The following TNK2 variants were observed in gnomAD, a reference collection of about 807,000 sequenced individuals.
TNK2 encodes the protein activated CDC42 kinase 1.
TNK2 carries 83 observed loss-of-function variants against 101.8 expected under a neutral mutation model. That is an observed-to-expected ratio of 0.82 (90% CI 0.68 to 0.98). The LOEUF (loss-of-function observed/expected upper bound fraction) is 0.98. Ranked by LOEUF, TNK2 falls within the 50% of genes least tolerant of loss-of-function variation. The probability of loss-of-function intolerance (pLI) is 0.00; values close to 1 mark genes in which losing one functional copy is unlikely to be tolerated. For missense variants in TNK2, 1,665 were observed against 1,483.2 expected (o/e 1.12, Z -2.01); for synonymous variants, 804 against 633.0 (o/e 1.27, Z -4.06).
In TNK2 at chr3:195,882,600, G is replaced by A; in HGVS notation, c.610-272C>T. On this transcript the variant is annotated intron_variant, in intron 5 of 15. Coordinates refer to ENST00000672887, the MANE Select transcript of TNK2 (RefSeq NM_001382273.1). This position sits in a 1 kb window ranked among gnomAD's most constrained non-coding sequence, Gnocchi z 4.2. ...CAGCTGGACGTGGTGGCTCACGCCT[G>A]TAATCCCAGCACTTTGGGAGGCCGA... 8 of 1,367,412 alleles carry A rather than the reference G, an allele frequency of 5.9e-6. No homozygotes were observed. Among genetic ancestry groups the A allele is most frequent in the Non-Finnish European group, 7.9e-6 (8 of 1,016,226 alleles). 84.7% of individuals were successfully genotyped at this position (1,367,412 alleles called of 1,614,324 possible).
Position 195,886,948 on chromosome 3 carries a change from C to G in TNK2, c.234+29G>C. ...GGGGGGCGTTCGAGGCTGCCCCCCT[C>G]CCACCTCCTCACCCACCTCCTCACC... On this transcript the variant is annotated intron_variant, in intron 3 of 15. Coordinates refer to ENST00000672887, the MANE Select transcript of TNK2 (RefSeq NM_001382273.1). The surrounding 1 kb of genome is among the most constrained non-coding windows in gnomAD (Gnocchi z 4.2). 1 of 1,549,332 alleles carries G rather than the reference C, an allele frequency of 6.5e-7. No homozygotes were observed. The highest frequency in any genetic ancestry group is 8.9e-7 in the Non-Finnish European group (1 of 1,124,780).
rs71321859 is a variant in TNK2 at position 195,875,691 on chromosome 3, C to T, written c.1256+2562G>A. On this transcript the variant is annotated intron_variant, in intron 9 of 15. Coordinates refer to ENST00000672887, the MANE Select transcript of TNK2 (RefSeq NM_001382273.1). Reference sequence around the variant, plus strand: ...CCCGCCATGAACAGGCCGGAGTCCCCGTGGCCATGGGAGGGCCAGGGCTGC... The same window carrying T: ...CCCGCCATGAACAGGCCGGAGTCCCTGTGGCCATGGGAGGGCCAGGGCTGC... Among the ~76,000 whole-genome samples, 501 of 152,284 alleles carry T rather than the reference C, an allele frequency of 3.3e-3. 1 individual carries two copies. Among genetic ancestry groups the T allele is most frequent in the Middle Eastern group, 0.01 (3 of 294 alleles).
At chr3:195,872,077 A>AGAACATTCCCCTCGGG (rs1560489238) in intron 10 of TNK2, among the ~76,000 whole-genome samples, 199 bp downstream of exon 10, 103 of 135,558 alleles carry the variant, frequency 7.6e-4, no homozygotes, top group African/African-American at 2.8e-3. Context: ...ATTCCCCTGG[A>AGAACATTCCCCTCGGG]GAACCCCCAC....
At chr3:195,872,611 C>T (rs1047980436) in intron 9 of TNK2, 141 bp from the exon 10 acceptor site, 1 of 856,150 alleles carries the variant, frequency 1.2e-6, no homozygotes, top group African/African-American at 1.7e-5. Context: ...ACCGGCCCTC[C>T]TCCCCAACAG....
At chr3:195,879,343 G>A (rs1385750586) in intron 6 of TNK2, 168 bp from the exon 7 acceptor site, 9 of 937,452 alleles carry the variant, frequency 9.6e-6, no homozygotes, top group Non-Finnish European at 1.4e-5. Context: ...TTGACGACAC[G>A]ATGCAGGGAC....
intron 12 of TNK2, chr3:195,869,074 G>C: frequency 2.2e-6 from 1 of 460,796 alleles, no homozygotes; most frequent in Non-Finnish European, 3.9e-6. Flanking sequence ...CCCCTGTCAC[G>C]GCACACCATT....
chr3:195,876,553 C>T (rs563114735), intron 9 of TNK2: 2 of 456,804 alleles, frequency 4.4e-6, no homozygotes, highest in African/African-American at 2.0e-5. Context: ...ACCACCGACA[C>T]CCAGGCCCGC....
intron 6 of TNK2, among the ~76,000 whole-genome samples, chr3:195,881,787 G>GT (rs1355205315): frequency 6.8e-6 from 1 of 147,758 alleles, no homozygotes; most frequent in African/African-American, 2.5e-5. Flanking sequence ...ATCTATCCCC[G>GT]TATCACCCCA....
At chr3:195,907,716 G>A (rs2149899397) in intron 1 of TNK2, among the ~76,000 whole-genome samples, 1 of 152,356 alleles carries the variant, frequency 6.6e-6, no homozygotes, top group South Asian at 2.1e-4. Context: ...AGACTGGGCT[G>A]GGAGCTCCTG....
At chr3:195,895,372 G>A (rs199918564) in intron 1 of TNK2, 61 of 1,554,388 alleles carry the variant, frequency 3.9e-5, no homozygotes, top group Non-Finnish European at 4.7e-5. Flanking sequence ...CAGCGGCACC[G>A]GCAGCGTCAC....
In TNK2 at chr3:195,887,127, G is replaced by T. The variant is rs541013073; in HGVS notation, c.164-80C>A. 6 of 1,461,980 alleles carry T rather than the reference G, an allele frequency of 4.1e-6. No individual in the cohort carries two copies. In the Admixed American group the frequency reaches 8.9e-5, roughly 22 times the overall value. 90.6% of individuals were successfully genotyped at this position (1,461,980 alleles called of 1,614,324 possible). ...GCTGCTGCCTGTGGTCCCCTTGGGG[G>T]TGAGCCTGTCACTAGACACCGCCCA... On this transcript the variant is annotated intron_variant, in intron 2 of 15. Transcript: ENST00000672887.
At position 195,878,596 on chromosome 3, in the gene TNK2, A is replaced by G. The variant is rs1750712866; in HGVS notation, c.1015-4T>C. The G allele has an allele frequency of 6.2e-7, 1 of 1,611,678 alleles. No individual in the cohort carries two copies. The highest frequency in any genetic ancestry group is 2.2e-5 in the East Asian group (1 of 44,804). ...CCTTGTCGATCTTATGCAGGATCTGAAGGTGAGGAGGTGCAGAGTTTGACG... is the reference window on the plus strand; with the variant it reads ...CCTTGTCGATCTTATGCAGGATCTGGAGGTGAGGAGGTGCAGAGTTTGACG... On this transcript the variant is annotated splice_polypyrimidine_tract_variant and splice_region_variant and intron_variant, in intron 7 of 15. Coordinates refer to ENST00000672887, the MANE Select transcript of TNK2 (RefSeq NM_001382273.1). The surrounding 1 kb of genome is among the most constrained non-coding windows in gnomAD (Gnocchi z 4.7).
At position 195,864,064 on chromosome 3, in the gene TNK2, G is replaced by T; in HGVS notation, c.*117C>A. 7.0e-7 allele frequency: 1 copy of T among 1,426,148 alleles called. No homozygotes were observed. The highest frequency in any genetic ancestry group is 9.8e-7 in the Non-Finnish European group (1 of 1,022,706). 88.3% of individuals were successfully genotyped at this position (1,426,148 alleles called of 1,614,324 possible). A position where few individuals can be genotyped will look rare whatever the true frequency, so the allele number is the denominator to read the frequency against. ...GCAGCCTTGGCCTTGCTCCATCCCCGGGAGCAGCAGGAGCAGCGGGTCCTC... is the reference window on the plus strand; with the variant it reads ...GCAGCCTTGGCCTTGCTCCATCCCCTGGAGCAGCAGGAGCAGCGGGTCCTC... On this transcript the variant is annotated 3_prime_UTR_variant, in exon 16 of 16. Transcript: ENST00000672887.
intron 9 of TNK2, among the ~76,000 whole-genome samples, chr3:195,875,677 C>T (rs1038829713): frequency 6.6e-6 from 1 of 152,162 alleles, no homozygotes; most frequent in East Asian, 1.9e-4. Context: ...CCGCCATGAA[C>T]AGGCCGGAGT....
chr3:195,884,930 G>A lies in TNK2; in HGVS notation c.338C>T (p.Pro113Leu), dbSNP rs1414952056. The part of the protein sequence containing the change: ...PAPGGPAGEG[P>L]LQSLTCLIGE... ...AATGAGGCAGGTGAGGCTCTGCAGG[G>A]GCCCCTCCCCTGCTGGGCCCCCAGG... The change falls in exon 4 of 16, where the codon CCC becomes CTC. Residue 113 changes from proline to leucine, a missense_variant. By Grantham distance (98) the Pro-to-Leu change is moderately conservative (BLOSUM62 -3). This residue lies in a region of TNK2 where 490 missense variants were observed against 522.5 expected (regional missense o/e 0.94). Transcript: ENST00000672887. 9.9e-6 allele frequency: 16 copies of A among 1,614,000 alleles called. No individual in the cohort carries two copies. The highest frequency in any genetic ancestry group is 1.2e-5 in the Non-Finnish European group (14 of 1,180,020).
At chr3:195,865,829 C>T (rs897354412) in intron 15 of TNK2, among the ~76,000 whole-genome samples, 5 of 152,180 alleles carry the variant, frequency 3.3e-5, no homozygotes, top group African/African-American at 1.2e-4. Context: ...GCCAGGCGTG[C>T]TGGGCGCAAT....
In TNK2 at chr3:195,864,160, C is replaced by T. The variant is rs1738970577; in HGVS notation, c.*21G>A. ...CTCAGGTGATTCCTTCAGGCAGGCC[C>T]TCTGGCTCTCCAGACGCATCTCAGC... is the stretch of plus-strand genomic sequence containing the variant. On this transcript the variant is annotated 3_prime_UTR_variant, in exon 16 of 16. Coordinates refer to ENST00000672887, the MANE Select transcript of TNK2 (RefSeq NM_001382273.1). 4 of 1,613,900 alleles carry T rather than the reference C, an allele frequency of 2.5e-6. No homozygotes were observed. The African/African-American group carries it at 4.0e-5, about 16-fold the overall frequency.
In TNK2 at chr3:195,888,790, A is replaced by G. The variant is rs899904388; in HGVS notation, c.-18-184T>C. Among the ~76,000 whole-genome samples, 1 of 151,992 alleles carries G rather than the reference A, an allele frequency of 6.6e-6. No individual in the cohort carries two copies. Among genetic ancestry groups the G allele is most frequent in the African/African-American group, 2.4e-5 (1 of 41,372 alleles). ...CACGTCCCCTATTCCTGCCAGCCAC[A>G]GGGCACAATTAGGGCGGCGGAGATA... On this transcript the variant is annotated intron_variant, in intron 1 of 15. Coordinates refer to ENST00000672887, the MANE Select transcript of TNK2 (RefSeq NM_001382273.1). The surrounding 1 kb of genome is among the most constrained non-coding windows in gnomAD (Gnocchi z 5.3).
chr3:195,869,365 C>T (rs1283942490), intron 12 of TNK2, 132 bp downstream of exon 12: 17 of 1,017,616 alleles, frequency 1.7e-5, no homozygotes, highest in Admixed American at 1.2e-4. Flanking sequence ...CCAGGGCAGC[C>T]GCGGAAGCTC....
Sources: allele counts gnomAD v4.1 joint callset (sites outside exome capture counted in the v4.1 genomes callset), GRCh38; gene constraint gnomAD v4.1.1; regional missense constraint gnomAD v4.1.1; non-coding constraint Gnocchi (gnomAD v3.1); transcripts MANE v1.5; gene names NCBI Gene and HGNC (gene_info 2026-07-23, HGNC 2026-07-21).